GRAMD1C: variants seen among roughly 807,000 people sequenced by gnomAD.
The protein encoded by GRAMD1C is GRAM domain containing 1C, also known as protein Aster-C.
Under a neutral mutation model 97.8 loss-of-function variants are expected in GRAMD1C, and 89 were observed. The observed-to-expected ratio is 0.91, with a 90% CI of 0.77 to 1.09. GRAMD1C has a LOEUF of 1.09. Ranked by LOEUF, GRAMD1C falls within the 50% of genes least tolerant of loss-of-function variation. The pLI is 0.00. For synonymous variants in GRAMD1C, 256 were observed against 267.0 expected, an observed-to-expected ratio of 0.96 and a Z score of 0.40; for missense variants, 740 against 766.4, an observed-to-expected ratio of 0.97 and a Z score of 0.41.
intron 14 of GRAMD1C, 166 bp downstream of exon 14, chr3:113,936,608 T>C: frequency 2.1e-6 from 1 of 481,044 alleles, no homozygotes; most frequent in East Asian, 3.3e-5. Context: ...AATATATAAG[T>C]ATAAAGGAGC....
At chr3:113,883,342 C>T (rs1369094537) in intron 6 of GRAMD1C, among the ~76,000 whole-genome samples, 1 of 151,704 alleles carries the variant, frequency 6.6e-6, no homozygotes, top group East Asian at 1.9e-4. Flanking sequence ...CTGGGTAACA[C>T]AGCAAAACCC....
intron 6 of GRAMD1C, among the ~76,000 whole-genome samples, chr3:113,887,049 G>T (rs536252641): frequency 6.7e-6 from 1 of 148,978 alleles, no homozygotes; most frequent in South Asian, 2.1e-4. Flanking sequence ...CAAAGTGCTG[G>T]GATTACAGGC....
intron 2 of GRAMD1C, among the ~76,000 whole-genome samples, chr3:113,857,974 C>T (rs1934216472): frequency 6.6e-6 from 1 of 152,042 alleles, no homozygotes; most frequent in African/African-American, 2.4e-5. Flanking sequence ...TTTTTGTAAT[C>T]TATCTGGTTT....
At chr3:113,913,078 A>G (rs1318577453) in intron 9 of GRAMD1C, 82 of 1,263,836 alleles carry the variant, frequency 6.5e-5, no homozygotes, top group Non-Finnish European at 8.2e-5. Flanking sequence ...TTTAGTATGC[A>G]GCTGGGCATG....
chr3:113,921,807 G>A (rs1937067733), intron 10 of GRAMD1C, among the ~76,000 whole-genome samples: 1 of 152,008 alleles, frequency 6.6e-6, no homozygotes, highest in Non-Finnish European at 1.5e-5. Context: ...TTATTGGGTT[G>A]TTTGGTTTTT....
intron 10 of GRAMD1C, chr3:113,919,759 T>C: frequency 1.7e-6 from 1 of 588,672 alleles, no homozygotes; most frequent in Non-Finnish European, 3.2e-6. Flanking sequence ...AATTTGAATA[T>C]AGTAAGTCAA....
intron 8 of GRAMD1C, among the ~76,000 whole-genome samples, chr3:113,907,896 C>T (rs997696423): frequency 7.2e-5 from 11 of 152,082 alleles, no homozygotes; most frequent in Non-Finnish European, 4.4e-5. Flanking sequence ...TTAAGGGGCC[C>T]CTGGTTTAGC....
At chr3:113,913,726 G>C (rs1936697991) in intron 9 of GRAMD1C, among the ~76,000 whole-genome samples, 2 of 152,078 alleles carry the variant, frequency 1.3e-5, no homozygotes, top group South Asian at 4.1e-4. Flanking sequence ...CGCTCCTACT[G>C]GTTTCCCTAA....
chr3:113,885,557 T>C, intron 6 of GRAMD1C: 1 of 1,582,538 alleles, frequency 6.3e-7, no homozygotes, highest in Non-Finnish European at 8.7e-7. Context: ...CAGTCCGGCC[T>C]GTTAGGCCTC....
chr3:113,890,391 T>C (rs1935673024), intron 6 of GRAMD1C, among the ~76,000 whole-genome samples: 1 of 152,172 alleles, frequency 6.6e-6, no homozygotes, highest in Non-Finnish European at 1.5e-5. Context: ...GGGCAGCAGG[T>C]CCTGCAGTGC....
rs142474173 is a variant in GRAMD1C, at chr3:113,892,316, A to G, written c.541-8715A>G. Among the ~76,000 whole-genome samples, 549 of 152,104 alleles carry G rather than the reference A, an allele frequency of 3.6e-3. 4 individuals are homozygous for G. The highest frequency in any genetic ancestry group is 0.013 in the African/African-American group (523 of 41,508). Reference sequence around the variant, plus strand: ...TTGAAACCCTGTCTCTACTAAAAATACAAAAATCAGCTGCGCGTGGTGGCA... The same window carrying G: ...TTGAAACCCTGTCTCTACTAAAAATGCAAAAATCAGCTGCGCGTGGTGGCA... On this transcript the variant is annotated intron_variant, in intron 6 of 17. Transcript: ENST00000358160.
chr3:113,848,629 A>T (rs758039803), intron 2 of GRAMD1C, among the ~76,000 whole-genome samples: 1 of 151,780 alleles, frequency 6.6e-6, no homozygotes, highest in Non-Finnish European at 1.5e-5. Flanking sequence ...ACATAGTAAG[A>T]CCCCCATCTC....
At position 113,941,921 on chromosome 3, in the gene GRAMD1C, C is replaced by CTT. The variant is rs1400274107; in HGVS notation, c.1908+1587_1908+1588dup. Among the ~76,000 whole-genome samples the CTT allele has an allele frequency of 8.0e-4, 103 of 129,500 alleles. 2 individuals carry two copies. The highest frequency in any genetic ancestry group is 2.3e-3 in the African/African-American group (80 of 34,764). The allele number at this position is 129,500 out of a possible 152,430, so 85.0% of individuals were successfully genotyped here. ...GGCATGAGCCACCGTGCCCGGCCAT[C>CTT]TTTTTTTTTTTTGAGACAAGAGTCT... On this transcript the variant is annotated intron_variant, in intron 17 of 17. Transcript: ENST00000358160.
intron 6 of GRAMD1C, 31 bp from the exon 7 acceptor site, chr3:113,901,000 A>C (rs2107446613): frequency 9.6e-7 from 1 of 1,038,276 alleles, no homozygotes; most frequent in Non-Finnish European, 1.5e-6. Context: ...TATATTTTCC[A>C]ATGCTCAGTG....
At chr3:113,903,668 A>G (rs1189669651) in intron 7 of GRAMD1C, among the ~76,000 whole-genome samples, 1 of 152,052 alleles carries the variant, frequency 6.6e-6, no homozygotes, top group Non-Finnish European at 1.5e-5. Context: ...GGAGTGGCCA[A>G]TGGGCTTAGG....
intron 9 of GRAMD1C, among the ~76,000 whole-genome samples, chr3:113,914,434 AG>A (rs1248699355): frequency 6.6e-6 from 1 of 152,220 alleles, no homozygotes; most frequent in Non-Finnish European, 1.5e-5. Flanking sequence ...GAGCTAGCAG[AG>A]TTTTTCTGAT....
At chr3:113,832,789 C>T (rs1709576546) in intron 1 of GRAMD1C, among the ~76,000 whole-genome samples, 1 of 152,140 alleles carries the variant, frequency 6.6e-6, no homozygotes, top group South Asian at 2.1e-4. Flanking sequence ...CATACAGAAA[C>T]AAGCAATTAT....
intron 10 of GRAMD1C, among the ~76,000 whole-genome samples, chr3:113,918,539 G>A (rs1402346410): frequency 2.6e-5 from 4 of 152,194 alleles, no homozygotes. Context: ...GCTTTGCAAA[G>A]CAAAGGCTTC....
chr3:113,862,642 G>T (rs1451536211), intron 2 of GRAMD1C, among the ~76,000 whole-genome samples: 1 of 152,202 alleles, frequency 6.6e-6, no homozygotes, highest in South Asian at 2.1e-4. Context: ...AAGATGATGG[G>T]ATTAAGAGAT....
Sources: gnomAD v4.1 joint callset for allele counts (sites outside exome capture counted in the v4.1 genomes callset) on GRCh38, gnomAD v4.1.1 for gene constraint, MANE v1.5 for transcripts, NCBI Gene and HGNC (gene_info 2026-07-23, HGNC 2026-07-21) for gene names.